The following SBSPON variants were observed in gnomAD, a reference collection of about 807,000 sequenced individuals.
SBSPON encodes somatomedin-B and thrombospondin type-1 domain-containing protein.
Under a neutral mutation model 35.8 loss-of-function variants are expected in SBSPON, and 30 were observed. The ratio of observed to expected loss-of-function variants is 0.84; its 90% CI spans 0.63 to 1.14. The LOEUF (loss-of-function observed/expected upper bound fraction) is 1.14. Ranked by LOEUF, SBSPON falls within the 50% of genes most tolerant of loss-of-function variation. The pLI is 0.00. For missense variants in SBSPON, 364 were observed against 357.7 expected (o/e 1.02, Z -0.14); for synonymous variants, 136 against 135.9 (o/e 1.00, Z 0.00).
chr8:73,067,607 AGT>A (rs1810415364), intron 4 of SBSPON, 149 bp from the exon 5 acceptor site: 6 of 21,668 alleles, frequency 2.8e-4, no homozygotes, highest in East Asian at 3.1e-4. Flanking sequence ...ATATATATAT[AGT>A]TTTTTTTTTT....
At chr8:73,090,650 C>A (rs1297921693) in intron 1 of SBSPON, among the ~76,000 whole-genome samples, 1 of 152,254 alleles carries the variant, frequency 6.6e-6, no homozygotes, top group Non-Finnish European at 1.5e-5. Context: ...AATTTCTCAA[C>A]ACGGAGCTTT....
chr8:73,069,730 C>T, intron 4 of SBSPON, 75 bp downstream of exon 4: 2 of 1,226,382 alleles, frequency 1.6e-6, no homozygotes, highest in South Asian at 1.3e-5. Flanking sequence ...TACTGGTCAG[C>T]TGTCTGGACA....
Position 73,093,068 on chromosome 8 carries a change from G to T in SBSPON, c.-1C>A. 7.5e-7 allele frequency: 1 copy of T among 1,337,132 alleles called. No individual in the cohort carries two copies. 82.8% of individuals were successfully genotyped at this position (1,337,132 alleles called of 1,614,324 possible). On this transcript the variant is annotated 5_prime_UTR_variant, in exon 1 of 5. Coordinates refer to ENST00000297354, the MANE Select transcript of SBSPON (RefSeq NM_153225.4). Reference sequence around the variant, plus strand: ...ACAGCGCCATCCACAGGGTCCTCATGGCCAGGGCTCCGGCGGCGCCTGCGA... The same window carrying T: ...ACAGCGCCATCCACAGGGTCCTCATTGCCAGGGCTCCGGCGGCGCCTGCGA...
At chr8:73,071,919 C>T (rs1346004524) in intron 2 of SBSPON, 49 bp from the exon 3 acceptor site, 1 of 1,216,976 alleles carries the variant, frequency 8.2e-7, no homozygotes, top group African/African-American at 1.5e-5. Context: ...AGTACTCAGA[C>T]CATCGTTTCC....
chr8:73,083,497 T>G (rs948292133), intron 1 of SBSPON, among the ~76,000 whole-genome samples: 2 of 152,032 alleles, frequency 1.3e-5, no homozygotes, highest in African/African-American at 4.8e-5. Flanking sequence ...CAAGCCATCA[T>G]AGATCACAAG....
intron 1 of SBSPON, among the ~76,000 whole-genome samples, chr8:73,090,808 C>G (rs2130046898): frequency 6.6e-6 from 1 of 152,330 alleles, no homozygotes; most frequent in Non-Finnish European, 1.5e-5. Flanking sequence ...CTGGGGCACA[C>G]ACTTACAGTG....
intron 2 of SBSPON, among the ~76,000 whole-genome samples, chr8:73,076,732 C>T (rs145802865): frequency 1.4e-4 from 21 of 151,202 alleles, no homozygotes; most frequent in African/African-American, 2.7e-4. Context: ...TGGAGGACGG[C>T]GGCAGTGAGG....
chr8:73,076,390 T>C (rs1323166028), intron 2 of SBSPON, among the ~76,000 whole-genome samples: 1 of 152,156 alleles, frequency 6.6e-6, no homozygotes, highest in African/African-American at 2.4e-5. Flanking sequence ...ATAGGAAGCA[T>C]AGCCTGGGTT....
At chr8:73,069,031 A>G (rs1483813039) in intron 4 of SBSPON, among the ~76,000 whole-genome samples, 1 of 152,174 alleles carries the variant, frequency 6.6e-6, no homozygotes, top group Non-Finnish European at 1.5e-5. Flanking sequence ...TGTCACAGAG[A>G]CCACACAGCC....
intron 3 of SBSPON, among the ~76,000 whole-genome samples, chr8:73,071,252 G>T (rs1810487973): frequency 6.6e-6 from 1 of 152,188 alleles, no homozygotes; most frequent in Non-Finnish European, 1.5e-5. Flanking sequence ...AGAAAAAACT[G>T]AGGTGGAACA....
intron 2 of SBSPON, among the ~76,000 whole-genome samples, chr8:73,079,185 C>T (rs1204149861): frequency 2.0e-5 from 3 of 152,108 alleles, no homozygotes; most frequent in Non-Finnish European, 4.4e-5. Flanking sequence ...CATCTGTTGG[C>T]CACTGATAGG....
At position 73,067,589 on chromosome 8, in the gene SBSPON, CTATA is replaced by C. The variant is rs1233223282; in HGVS notation, c.678-135_678-132del. On this transcript the variant is annotated intron_variant, in intron 4 of 4. Transcript: ENST00000297354. ...GCAATATAGTGAAACCCCGTCTCTA[CTATA>C]TATATATATATATAGTTTTTTTTTT... 1.7e-4 allele frequency: 18 copies of C among 104,258 alleles called. 1 individual carries two copies. The highest frequency in any genetic ancestry group is 3.7e-4 in the South Asian group (4 of 10,716). The allele number at this position is 104,258 out of a possible 1,614,324, so 6.5% of individuals were successfully genotyped here.
At chr8:73,073,232 G>A (rs900142565) in intron 2 of SBSPON, among the ~76,000 whole-genome samples, 1 of 152,294 alleles carries the variant, frequency 6.6e-6, no homozygotes, top group African/African-American at 2.4e-5. Flanking sequence ...GCAGTCTTCC[G>A]TTCCTATACT....
chr8:73,084,106 G>C (rs75740499), intron 1 of SBSPON, among the ~76,000 whole-genome samples: 3 of 152,178 alleles, frequency 2.0e-5, no homozygotes, highest in Non-Finnish European at 4.4e-5. Context: ...CTGAAGGTCT[G>C]GGGGGCACCC....
intron 2 of SBSPON, among the ~76,000 whole-genome samples, chr8:73,078,205 T>G (rs1472871006): frequency 6.6e-6 from 1 of 152,020 alleles, no homozygotes; most frequent in Non-Finnish European, 1.5e-5. Context: ...AGGAACCAGA[T>G]CCTGATGCTG....
At chr8:73,080,837 A>G (rs1810684037) in intron 2 of SBSPON, among the ~76,000 whole-genome samples, 182 bp downstream of exon 2, 1 of 152,204 alleles carries the variant, frequency 6.6e-6, no homozygotes, top group Non-Finnish European at 1.5e-5. Flanking sequence ...GCGTCTGCAC[A>G]GCTGGCCATA....
At position 73,067,456 on chromosome 8, in the gene SBSPON, T is replaced by G. The variant is rs773889462; in HGVS notation, c.680A>C (p.Asn227Thr). The part of the protein sequence containing the change: ...CSGDGLDSDG[N>T]QTLHWQAIGN... ...AATTGCTTGCCAATGGAGAGTCTGATTTCTGAAACGATATTTCGAAAGTGT... is the reference window on the plus strand; with the variant it reads ...AATTGCTTGCCAATGGAGAGTCTGAGTTCTGAAACGATATTTCGAAAGTGT... Residue 227 changes from asparagine (N) to threonine (T), a missense_variant and splice_region_variant, in exon 5 of 5, where the codon AAT (asparagine) becomes ACT (threonine). Transcript: ENST00000297354. The G allele has an allele frequency of 1.9e-6, 3 of 1,577,446 alleles. No homozygotes were observed. The Admixed American group carries it at 5.0e-5, about 26-fold the overall frequency.
At chr8:73,082,756 C>T (rs1810733982) in intron 1 of SBSPON, among the ~76,000 whole-genome samples, 1 of 152,106 alleles carries the variant, frequency 6.6e-6, no homozygotes, top group Non-Finnish European at 1.5e-5. Context: ...TTCATTGGCC[C>T]ATCAAACCAA....
chr8:73,077,126 G>A (rs918327921), intron 2 of SBSPON, among the ~76,000 whole-genome samples: 1 of 152,032 alleles, frequency 6.6e-6, no homozygotes, highest in Admixed American at 6.5e-5. Context: ...GTCTGGTCTC[G>A]AACTCCTGAC....
Sources: allele counts gnomAD v4.1 joint callset (sites outside exome capture counted in the v4.1 genomes callset), GRCh38; gene constraint gnomAD v4.1.1; transcripts MANE v1.5; gene names NCBI Gene and HGNC (gene_info 2026-07-23, HGNC 2026-07-21).